DEF8: variants seen among roughly 807,000 people sequenced by gnomAD.
The protein encoded by DEF8 is DEF-8.
A neutral mutation model predicts 59.1 loss-of-function variants in DEF8; 38 were observed. The ratio of observed to expected loss-of-function variants is 0.64; its 90% confidence interval spans 0.50 to 0.84. DEF8 has a LOEUF of 0.84. DEF8 is among the 40% of genes least tolerant of loss of function. The pLI is 0.00. For synonymous variants in DEF8, 265 were observed against 250.1 expected (o/e 1.06, Z -0.56); for missense variants, 557 against 615.2 (o/e 0.91, Z 1.00).
Position 89,949,398 on chromosome 16 carries a change from G to C in DEF8, c.-107-19G>C. The C allele has an allele frequency of 6.3e-7, 1 of 1,591,424 alleles. No homozygotes were observed. Among genetic ancestry groups the C allele is most frequent in the Non-Finnish European group, 8.5e-7 (1 of 1,171,668 alleles). The stretch of plus-strand genomic sequence containing the variant: ...TGGTGGGTGGGGAGGCACAGTGCTG[G>C]GGTGGCTTCTCCCTGCAGCAGGTGC... On this transcript the variant is annotated intron_variant, in intron 1 of 12. Coordinates refer to ENST00000563594, the MANE Select transcript of DEF8 (RefSeq NM_001242818.2).
intron 1 of DEF8, 111 bp from the exon 2 acceptor site, chr16:89,949,303 CGGT>C (rs1313635735): frequency 2.3e-6 from 2 of 860,596 alleles, no homozygotes; most frequent in Non-Finnish European, 3.4e-6. Context: ...GTTTCCCCCT[CGGT>C]GGAACGGGTG....
chr16:89,950,388 T>A, intron 2 of DEF8: 3 of 957,288 alleles, frequency 3.1e-6, no homozygotes, highest in Non-Finnish European at 3.7e-6. Context: ...AAATCAGGGC[T>A]GATTTTTTTT....
intron 6 of DEF8, among the ~76,000 whole-genome samples, chr16:89,960,094 G>A (rs891934871): frequency 1.6e-4 from 25 of 152,220 alleles, no homozygotes; most frequent in Admixed American, 6.5e-4. Context: ...AGAGCCAGGT[G>A]GGGCTGCAGT....
At chr16:89,958,858 A>G (rs550004238) in intron 5 of DEF8, among the ~76,000 whole-genome samples, 156 bp from the exon 6 acceptor site, 7 of 152,312 alleles carry the variant, frequency 4.6e-5, no homozygotes, top group African/African-American at 1.7e-4. Flanking sequence ...ATCATTGTTT[A>G]CTGTGAAAGG....
At position 89,966,956 on chromosome 16, in the gene DEF8, TC is replaced by T. The variant is rs1171561749; in HGVS notation, c.*994del. The T allele has an allele frequency of 4.2e-6, 1 of 239,450 alleles. No individual in the cohort carries two copies. Among genetic ancestry groups the T allele is most frequent in the East Asian group, 7.9e-5 (1 of 12,710 alleles). 14.8% of individuals were successfully genotyped at this position (239,450 alleles called of 1,614,324 possible). A position where few individuals can be genotyped will look rare whatever the true frequency, so the allele number is the denominator to read the frequency against. ...GGTCAAGAGAGCTGAGAGTATTCGC[TC>T]GACTGAGCACATTCAGGAAGATCAG... On this transcript the variant is annotated 3_prime_UTR_variant, in exon 13 of 13. Coordinates refer to ENST00000563594, the MANE Select transcript of DEF8 (RefSeq NM_001242818.2).
At chr16:89,958,705 G>C (rs2033609724) in intron 5 of DEF8, among the ~76,000 whole-genome samples, 1 of 152,212 alleles carries the variant, frequency 6.6e-6, no homozygotes, top group South Asian at 2.1e-4. Flanking sequence ...AAGCAGGAGG[G>C]GCAGAGAGGC....
In DEF8 at chr16:89,954,769, C is replaced by G. The variant is rs775983296; in HGVS notation, c.124+393C>G. 6.6e-5 allele frequency among the ~76,000 whole-genome samples: 10 copies of G among 152,120 alleles called. No individual in the cohort carries two copies. The highest frequency in any genetic ancestry group is 1.3e-4 in the Non-Finnish European group (9 of 68,020). On this transcript the variant is annotated intron_variant, in intron 3 of 12. Transcript: ENST00000563594. This position sits in a 1 kb window ranked among gnomAD's most constrained non-coding sequence, Gnocchi z 4.3. ...TGAGGTCATCAGGGAGTGCTTGGAG[C>G]GGGGCAGCTGCAGAGACGGCCTGGA...
At chr16:89,963,605 CAA>C (rs1361549163) in intron 10 of DEF8, among the ~76,000 whole-genome samples, 162 bp downstream of exon 10, 1 of 152,210 alleles carries the variant, frequency 6.6e-6, no homozygotes, top group Non-Finnish European at 1.5e-5. Context: ...GTTCTGCCTA[CAA>C]AAGAGTTCTC....
In DEF8 at chr16:89,961,103, G is replaced by T. The variant is rs1424009273; in HGVS notation, c.679+8G>T. On this transcript the variant is annotated splice_region_variant and intron_variant, in intron 7 of 12. Coordinates refer to ENST00000563594, the MANE Select transcript of DEF8 (RefSeq NM_001242818.2). Reference sequence around the variant, plus strand: ...GGGCGCCCATCTCTCTGCGTGAGTGGTGGCAGGGAGAGAAGAGGGTGAGGG... The same window carrying T: ...GGGCGCCCATCTCTCTGCGTGAGTGTTGGCAGGGAGAGAAGAGGGTGAGGG... 1.9e-6 allele frequency: 3 copies of T among 1,606,718 alleles called. No individual in the cohort carries two copies. In the Admixed American group the frequency reaches 5.0e-5, roughly 27 times the overall value.
chr16:89,959,453 T>G, intron 6 of DEF8: 1 of 852,074 alleles, frequency 1.2e-6, no homozygotes, highest in Non-Finnish European at 1.7e-6. Context: ...GGGCAGAATG[T>G]AAAGGCATCA....
chr16:89,959,340 G>C, intron 6 of DEF8, 185 bp downstream of exon 6: 3 of 1,441,806 alleles, frequency 2.1e-6, no homozygotes, highest in Non-Finnish European at 2.7e-6. Context: ...GGCTGTTCTG[G>C]ATGAGAAATT....
rs747144290 is a variant in DEF8 at position 89,957,680 on chromosome 16, G to A, written c.372+20G>A. ...CTGAAGGTGGGTGTGGGGCCGCCCC[G>A]CCGTGGGGCAGCCTGGGGCCGAGGC... On this transcript the variant is annotated intron_variant, in intron 5 of 12. Transcript: ENST00000563594. 8.5e-6 allele frequency: 13 copies of A among 1,532,152 alleles called. No individual in the cohort carries two copies. Among genetic ancestry groups the A allele is most frequent in the African/African-American group, 4.1e-5 (3 of 72,936 alleles). The allele number at this position is 1,532,152 out of a possible 1,614,324, so 94.9% of individuals were successfully genotyped here.
In DEF8 at chr16:89,965,989, C is replaced by T. The variant is rs762792709; in HGVS notation, c.*26C>T. 4.6e-5 allele frequency: 72 copies of T among 1,559,998 alleles called. No homozygotes were observed. Among genetic ancestry groups the T allele is most frequent in the Non-Finnish European group, 5.3e-5 (60 of 1,136,508 alleles). On this transcript the variant is annotated 3_prime_UTR_variant, in exon 13 of 13. Coordinates refer to ENST00000563594, the MANE Select transcript of DEF8 (RefSeq NM_001242818.2). ...CGCCGAGGAACAGTGCTGGGCACCC[C>T]GCCTGGCCCGCCAGGACCCACCCTG... is the stretch of plus-strand genomic sequence containing the variant.
rs182098852 is a variant in DEF8, at chr16:89,954,730, T to A, written c.124+354T>A. Among the ~76,000 whole-genome samples the A allele has an allele frequency of 2.0e-5, 3 of 152,186 alleles. No individual in the cohort carries two copies. The East Asian group carries it at 5.8e-4, about 29-fold the overall frequency. On this transcript the variant is annotated intron_variant, in intron 3 of 12. Transcript: ENST00000563594. This position sits in a 1 kb window ranked among gnomAD's most constrained non-coding sequence, Gnocchi z 4.3. ...TCTGGGCGTCAGGGTGGCATGAGCTTTAGAAACTGCAGATGAGGTCATCAG... is the reference window on the plus strand; with the variant it reads ...TCTGGGCGTCAGGGTGGCATGAGCTATAGAAACTGCAGATGAGGTCATCAG...
At chr16:89,956,050 G>A (rs1256694341) in intron 4 of DEF8, among the ~76,000 whole-genome samples, 5 of 152,042 alleles carry the variant, frequency 3.3e-5, no homozygotes, top group African/African-American at 1.2e-4. Flanking sequence ...TCCAGCCTGG[G>A]TGACAGAGTG....
Position 89,964,650 on chromosome 16 carries a change from C to T in DEF8, c.1253+75C>T, listed in dbSNP as rs550928346. 6.1e-5 allele frequency: 70 copies of T among 1,148,572 alleles called. 1 individual carries two copies. Among genetic ancestry groups the T allele is most frequent in the South Asian group, 4.1e-4 (31 of 75,238 alleles). The allele number at this position is 1,148,572 out of a possible 1,614,324, so 71.1% of individuals were successfully genotyped here. A position where few individuals can be genotyped will look rare whatever the true frequency, so the allele number is the denominator to read the frequency against. ...CTCTGGGGAGCTGCCCCTTGGCCTC[C>T]GGTAGGATGATGCCGTGGGAGCTGG... On this transcript the variant is annotated intron_variant, in intron 12 of 12. Coordinates refer to ENST00000563594, the MANE Select transcript of DEF8 (RefSeq NM_001242818.2).
chr16:89,951,406 G>A (rs1050722363), intron 2 of DEF8, among the ~76,000 whole-genome samples: 2 of 151,952 alleles, frequency 1.3e-5, no homozygotes, highest in African/African-American at 4.8e-5. Context: ...CACCACGCCC[G>A]GCTAATTTTT....
chr16:89,966,210 T>G lies in DEF8; in HGVS notation c.*247T>G, dbSNP rs1349376342. ...GGGGTCCTTGCGTGGCCCCCATCCT[T>G]CCCCCAATGCAGAACTCCATGGGCA... On this transcript the variant is annotated 3_prime_UTR_variant, in exon 13 of 13. Coordinates refer to ENST00000563594, the MANE Select transcript of DEF8 (RefSeq NM_001242818.2). 4.8e-6 allele frequency: 2 copies of G among 417,924 alleles called. No homozygotes were observed. The highest frequency in any genetic ancestry group is 4.8e-5 in the East Asian group (1 of 20,852). 25.9% of individuals were successfully genotyped at this position (417,924 alleles called of 1,614,324 possible). A position where few individuals can be genotyped will look rare whatever the true frequency, so the allele number is the denominator to read the frequency against.
In DEF8 at chr16:89,965,998, C is replaced by T. The variant is rs374059292; in HGVS notation, c.*35C>T. 1.1e-4 allele frequency: 162 copies of T among 1,514,854 alleles called. No homozygotes were observed. The highest frequency in any genetic ancestry group is 7.8e-4 in the African/African-American group (57 of 72,916). The allele number at this position is 1,514,854 out of a possible 1,614,324, so 93.8% of individuals were successfully genotyped here. On this transcript the variant is annotated 3_prime_UTR_variant, in exon 13 of 13. Coordinates refer to ENST00000563594, the MANE Select transcript of DEF8 (RefSeq NM_001242818.2). The stretch of plus-strand genomic sequence containing the variant: ...ACAGTGCTGGGCACCCCGCCTGGCC[C>T]GCCAGGACCCACCCTGCCAACATCA...
Sources: allele counts gnomAD v4.1 joint callset (sites outside exome capture counted in the v4.1 genomes callset), GRCh38; gene constraint gnomAD v4.1.1; non-coding constraint Gnocchi (gnomAD v3.1); transcripts MANE v1.5; gene names NCBI Gene and HGNC (gene_info 2026-07-23, HGNC 2026-07-21).